Variants in GALNT13 observed in about 807,000 individuals in gnomAD.
GALNT13 encodes UDP-GalNAc:polypeptide N-acetylgalactosaminyltransferase 13.
GALNT13 carries 28 observed loss-of-function variants against 64.2 expected under a neutral mutation model. The observed-to-expected ratio is 0.44, with a 90% CI of 0.32 to 0.60. The LOEUF (loss-of-function observed/expected upper bound fraction) is 0.60. Among genes scored for constraint, GALNT13 ranks in the 20% least tolerant of loss-of-function variants. GALNT13 has a pLI of 0.05. For synonymous variants in GALNT13, 214 were observed against 224.6 expected (o/e 0.95, Z 0.42); for missense variants, 577 against 669.8 (o/e 0.86, Z 1.53).
the GALNT13 span, among the ~76,000 whole-genome samples, chr2:153,702,728 TA>T: frequency 6.6e-6 from 1 of 152,072 alleles, no homozygotes. Flanking sequence ...GAGTGGATAT[TA>T]AAAGCTTGGT....
chr2:153,775,354 T>C, the GALNT13 span, among the ~76,000 whole-genome samples: 1 of 152,152 alleles, frequency 6.6e-6, no homozygotes, highest in African/African-American at 2.4e-5. Context: ...ATTCATTTAT[T>C]AAGTCAACTT....
At chr2:153,243,862 T>A in the GALNT13 span, among the ~76,000 whole-genome samples, 4 of 152,024 alleles carry the variant, frequency 2.6e-5, no homozygotes, top group African/African-American at 7.2e-5. Context: ...AATAACAGGG[T>A]TTTCTTAGAA....
the GALNT13 span, among the ~76,000 whole-genome samples, chr2:153,346,044 G>A: frequency 6.6e-6 from 1 of 151,792 alleles, no homozygotes; most frequent in Non-Finnish European, 1.5e-5. Flanking sequence ...GCGCGATCTC[G>A]GCTCACTGCA....
chr2:153,933,717 GT>G (rs1225905739), intron 2 of GALNT13, among the ~76,000 whole-genome samples: 2 of 151,958 alleles, frequency 1.3e-5, no homozygotes, highest in African/African-American at 2.4e-5. Context: ...TTGTTTGTTT[GT>G]TTTTTTGGTG....
intron 3 of GALNT13, among the ~76,000 whole-genome samples, chr2:154,113,227 G>A (rs1396641456): frequency 0.019 from 2 of 104 alleles, no homozygotes; most frequent in Non-Finnish European, 0.043. Context: ...ACCTATGGGG[G>A]CCTGCAAAGG....
At chr2:153,599,349 G>A in the GALNT13 span, among the ~76,000 whole-genome samples, 38 of 151,962 alleles carry the variant, frequency 2.5e-4, no homozygotes, top group Admixed American at 1.8e-3. Context: ...CTATCTAACT[G>A]TATAATTGTA....
chr2:153,412,898 G>T, the GALNT13 span, among the ~76,000 whole-genome samples: 47 of 152,266 alleles, frequency 3.1e-4, no homozygotes, highest in Admixed American at 7.8e-4. Flanking sequence ...AGACATAACA[G>T]TCAGGGCCTA....
intron 3 of GALNT13, among the ~76,000 whole-genome samples, chr2:154,083,743 T>C (rs2105420908): frequency 6.6e-6 from 1 of 151,968 alleles, no homozygotes; most frequent in Admixed American, 6.6e-5. Context: ...CAGACAACCA[T>C]GTCCCTGCCT....
chr2:153,074,715 T>C, the GALNT13 span, among the ~76,000 whole-genome samples: 3 of 152,194 alleles, frequency 2.0e-5, no homozygotes, highest in Non-Finnish European at 4.4e-5. Context: ...ATATTTGATG[T>C]GTTTCAATTT....
chr2:153,856,292 AATAG>A, the GALNT13 span, among the ~76,000 whole-genome samples: 3 of 152,282 alleles, frequency 2.0e-5, no homozygotes, highest in Admixed American at 6.5e-5. Context: ...TAGGCAGGTA[AATAG>A]ATAGATAGTT....
chr2:153,594,958 G>T, the GALNT13 span, among the ~76,000 whole-genome samples: 2 of 151,984 alleles, frequency 1.3e-5, no homozygotes, highest in African/African-American at 4.8e-5. Context: ...CAAAATTACA[G>T]TCTCAGGAAT....
the GALNT13 span, among the ~76,000 whole-genome samples, chr2:153,203,874 TACAC>T: frequency 1.5e-4 from 23 of 150,984 alleles, no homozygotes; most frequent in Non-Finnish European, 2.1e-4. Flanking sequence ...GTAGCGTGTC[TACAC>T]ACACACACAC....
the GALNT13 span, among the ~76,000 whole-genome samples, chr2:153,300,500 G>A: frequency 1.7e-4 from 26 of 152,178 alleles, no homozygotes; most frequent in Non-Finnish European, 2.8e-4. Flanking sequence ...GATTGCTGAG[G>A]ACTATGTATT....
At chr2:153,860,596 G>A in the GALNT13 span, among the ~76,000 whole-genome samples, 4 of 152,138 alleles carry the variant, frequency 2.6e-5, no homozygotes, top group Non-Finnish European at 5.9e-5. Flanking sequence ...GTCAGCAGGT[G>A]GTTGTTGGGA....
chr2:153,176,973 G>T, the GALNT13 span, among the ~76,000 whole-genome samples: 11 of 152,028 alleles, frequency 7.2e-5, no homozygotes, highest in Non-Finnish European at 1.5e-4. Flanking sequence ...GACAACAAAA[G>T]TTGAAAGAAT....
the GALNT13 span, among the ~76,000 whole-genome samples, chr2:153,614,419 C>A: frequency 1.3e-5 from 2 of 151,818 alleles, no homozygotes; most frequent in African/African-American, 4.8e-5. Context: ...ATATCATTAT[C>A]ATGAAGAATA....
chr2:153,681,612 C>T, the GALNT13 span, among the ~76,000 whole-genome samples: 1 of 151,804 alleles, frequency 6.6e-6, no homozygotes, highest in African/African-American at 2.4e-5. Context: ...CAGTATCTCT[C>T]TCCTCAGAGA....
At chr2:153,295,943 G>C in the GALNT13 span, among the ~76,000 whole-genome samples, 1 of 152,156 alleles carries the variant, frequency 6.6e-6, no homozygotes, top group African/African-American at 2.4e-5. Flanking sequence ...CCTGAATCAA[G>C]TCTGCTGAAT....
the GALNT13 span, among the ~76,000 whole-genome samples, chr2:153,322,537 T>G: frequency 5.9e-5 from 9 of 152,172 alleles, no homozygotes; most frequent in Non-Finnish European, 8.8e-5. Context: ...AGTTCTGGGA[T>G]ATATGTGCAG....
Sources: gnomAD v4.1 joint callset for allele counts (sites outside exome capture counted in the v4.1 genomes callset) on GRCh38, gnomAD v4.1.1 for gene constraint, MANE v1.5 for transcripts, NCBI Gene and HGNC (gene_info 2026-07-23, HGNC 2026-07-21) for gene names.